DNAAF4: variants seen among roughly 807,000 people sequenced by gnomAD.
DNAAF4 encodes the protein dynein assembly factor 4, axonemal.
DNAAF4 carries 43 observed loss-of-function variants against 51.8 expected under a neutral mutation model. The observed-to-expected ratio is 0.83, with a 90% CI of 0.65 to 1.07. The LOEUF (loss-of-function observed/expected upper bound fraction) is 1.07, where lower values mean the gene tolerates loss of function less well. DNAAF4 is among the 50% of genes least tolerant of loss of function. The pLI is 0.00. For synonymous variants in DNAAF4, 194 were observed against 165.6 expected, an observed-to-expected ratio of 1.17 and a Z score of -1.32; for missense variants, 581 against 493.0, an observed-to-expected ratio of 1.18 and a Z score of -1.69.
chr15:55,494,280 C>A (rs1187375057), intron 3 of DNAAF4, among the ~76,000 whole-genome samples: 1 of 152,082 alleles, frequency 6.6e-6, no homozygotes, highest in Non-Finnish European at 1.5e-5. Context: ...CAGCCCGCCT[C>A]GGCCTACCAA....
chr15:55,491,619 T>C (rs570547951), intron 3 of DNAAF4, among the ~76,000 whole-genome samples: 22 of 145,750 alleles, frequency 1.5e-4, no homozygotes, highest in South Asian at 2.1e-4. Flanking sequence ...CTGATCACAA[T>C]AAATCATCAT....
At chr15:55,500,992 CAAAAAAA>C (rs111778667) in intron 1 of DNAAF4, among the ~76,000 whole-genome samples, 1 of 65,962 alleles carries the variant, frequency 1.5e-5, no homozygotes, top group Non-Finnish European at 4.0e-5. Context: ...AACTGAGTCT[CAAAAAAA>C]AAAAAAAAAA....
At chr15:55,476,155 T>C (rs1295721858) in intron 4 of DNAAF4, among the ~76,000 whole-genome samples, 3 of 152,142 alleles carry the variant, frequency 2.0e-5, no homozygotes, top group Non-Finnish European at 2.9e-5. Flanking sequence ...ACCTGCTCTA[T>C]AAGATACACT....
At chr15:55,482,074 G>A (rs866923720) in intron 4 of DNAAF4, among the ~76,000 whole-genome samples, 2 of 152,236 alleles carry the variant, frequency 1.3e-5, no homozygotes. Context: ...ACTCTGTGGA[G>A]TGTACTTTTG....
At chr15:55,433,096 T>C (rs181100216) in intron 8 of DNAAF4, among the ~76,000 whole-genome samples, 2 of 152,126 alleles carry the variant, frequency 1.3e-5, no homozygotes, top group East Asian at 1.9e-4. Flanking sequence ...AGTCAGGAGC[T>C]TGAGGCCAGC....
At chr15:55,446,441 C>T (rs2057818078) in intron 6 of DNAAF4, among the ~76,000 whole-genome samples, 1 of 149,658 alleles carries the variant, frequency 6.7e-6, no homozygotes, top group South Asian at 2.1e-4. Context: ...AGAGGCGCTC[C>T]CCACTTCCCA....
chr15:55,456,184 G>A (rs560842424), intron 5 of DNAAF4, among the ~76,000 whole-genome samples: 1 of 151,554 alleles, frequency 6.6e-6, no homozygotes, highest in African/African-American at 2.4e-5. Context: ...GGGTTCAAGC[G>A]ATTCTCCTGC....
intron 4 of DNAAF4, among the ~76,000 whole-genome samples, chr15:55,475,770 G>C (rs1450271840): frequency 2.0e-5 from 3 of 152,082 alleles, no homozygotes; most frequent in Non-Finnish European, 2.9e-5. Flanking sequence ...AAAAAGGGTG[G>C]GCTCATTTCC....
downstream of DNAAF4, among the ~76,000 whole-genome samples, chr15:55,429,495 G>A (rs550008578): frequency 1.3e-4 from 18 of 143,630 alleles, no homozygotes; most frequent in Non-Finnish European, 2.4e-4. Flanking sequence ...TCCAGTCTGG[G>A]CAACAAGAGT....
At chr15:55,505,476 C>T (rs1012202561) in intron 1 of DNAAF4, among the ~76,000 whole-genome samples, 1 of 152,094 alleles carries the variant, frequency 6.6e-6, no homozygotes, top group Non-Finnish European at 1.5e-5. Context: ...CGTATGTTTA[C>T]TGAGGCACTA....
At chr15:55,495,977 G>A (rs1399128168) in intron 3 of DNAAF4, among the ~76,000 whole-genome samples, 1 of 152,054 alleles carries the variant, frequency 6.6e-6, no homozygotes, top group South Asian at 2.1e-4. Flanking sequence ...CTGTAATCCC[G>A]GCACTTCGGG....
chr15:55,489,503 G>T (rs143693266), intron 4 of DNAAF4, among the ~76,000 whole-genome samples: 2,647 of 152,000 alleles, frequency 0.017, 70 homozygotes, highest in African/African-American at 0.061. Context: ...GTGAAGCCCT[G>T]TCTCTACTAA....
chr15:55,469,763 T>G (rs981435167), intron 4 of DNAAF4, among the ~76,000 whole-genome samples: 1 of 151,954 alleles, frequency 6.6e-6, no homozygotes, highest in Non-Finnish European at 1.5e-5. Flanking sequence ...GTGCTGGGAT[T>G]ACAGGCGTGA....
At chr15:55,450,006 C>T (rs1187656324) in intron 6 of DNAAF4, among the ~76,000 whole-genome samples, 2 of 151,936 alleles carry the variant, frequency 1.3e-5, no homozygotes, top group African/African-American at 4.8e-5. Context: ...GCCTACTGTA[C>T]ATATATTAAG....
intron 1 of DNAAF4, among the ~76,000 whole-genome samples, chr15:55,500,718 C>T (rs2058692381): frequency 6.6e-6 from 1 of 152,050 alleles, no homozygotes; most frequent in Admixed American, 6.6e-5. Context: ...GTTGGCCGGG[C>T]GTGGTGGCTC....
At chr15:55,480,741 A>G (rs1298308310) in intron 4 of DNAAF4, among the ~76,000 whole-genome samples, 2 of 152,182 alleles carry the variant, frequency 1.3e-5, no homozygotes, top group East Asian at 3.8e-4. Flanking sequence ...CGCTTGTCCA[A>G]GGAGCTTTCA....
At chr15:55,485,860 T>C (rs1306000890) in intron 4 of DNAAF4, among the ~76,000 whole-genome samples, 1 of 151,794 alleles carries the variant, frequency 6.6e-6, no homozygotes, top group Non-Finnish European at 1.5e-5. Flanking sequence ...ATGGGCGTGG[T>C]GGCGGGCACC....
At chr15:55,474,582 C>G (rs1206970736) in intron 4 of DNAAF4, among the ~76,000 whole-genome samples, 1 of 152,068 alleles carries the variant, frequency 6.6e-6, no homozygotes, top group Non-Finnish European at 1.5e-5. Flanking sequence ...AACAAACTTA[C>G]TTTCCTACAA....
In DNAAF4 at chr15:55,473,321, G is replaced by GTGTATATATA. The variant is rs1426022481; in HGVS notation, c.406-6170_406-6161dup. ...TGTATATATATGTGTGTATATATGT[G>GTGTATATATA]TGTATATATATGTGTGTATATATAT... is the stretch of plus-strand genomic sequence containing the variant. On this transcript the variant is annotated intron_variant, in intron 4 of 9. Transcript: ENST00000321149. Among the ~76,000 whole-genome samples, 79 of 130,594 alleles carry GTGTATATATA rather than the reference G, an allele frequency of 6.0e-4. 2 individuals carry two copies. The highest frequency in any genetic ancestry group is 2.3e-3 in the African/African-American group (77 of 34,038). 85.7% of individuals were successfully genotyped at this position (130,594 alleles called of 152,430 possible). A position where few individuals can be genotyped will look rare whatever the true frequency, so the allele number is the denominator to read the frequency against.
Sources: allele counts gnomAD v4.1 joint callset (sites outside exome capture counted in the v4.1 genomes callset), GRCh38; gene constraint gnomAD v4.1.1; transcripts MANE v1.5; gene names NCBI Gene and HGNC (gene_info 2026-07-23, HGNC 2026-07-21).